The following CTNNA3 variants were observed in gnomAD, a reference collection of about 807,000 sequenced individuals.
CTNNA3 encodes the protein catenin alpha 3, also known as catenin alpha-3.
A neutral mutation model predicts 95.7 loss-of-function variants in CTNNA3; 76 were observed. The observed-to-expected ratio is 0.79, with a 90% CI of 0.66 to 0.96. The LOEUF is 0.96. Among genes scored for constraint, CTNNA3 ranks in the 40% least tolerant of loss-of-function variants. The pLI is 0.00. For missense variants in CTNNA3, 1,191 were observed against 1,089.8 expected (o/e 1.09, Z -1.31); for synonymous variants, 431 against 374.4 (o/e 1.15, Z -1.74).
chr10:67,233,330 G>T (rs759566979), intron 5 of CTNNA3, among the ~76,000 whole-genome samples: 36 of 148,340 alleles, frequency 2.4e-4, no homozygotes, highest in Admixed American at 3.4e-4. Flanking sequence ...CACAGTGCAA[G>T]CAAACTAGAA....
rs982927700 is a variant in CTNNA3, at chr10:67,418,714, A to G, written c.579+103128T>C. On this transcript the variant is annotated intron_variant, in intron 5 of 17. Coordinates refer to ENST00000433211, the MANE Select transcript of CTNNA3 (RefSeq NM_013266.4). ...AGGGGCATTATTGGTTAAAGAATAG[A>G]AAATTTCAATTAGATGGAAGGAATA... Among the ~76,000 whole-genome samples, 3 of 152,164 alleles carry G rather than the reference A, an allele frequency of 2.0e-5. No homozygotes were observed. In the East Asian group the frequency reaches 5.8e-4, roughly 29 times the overall value.
chr10:67,215,275 T>A (rs191441358), intron 6 of CTNNA3, among the ~76,000 whole-genome samples: 1 of 152,114 alleles, frequency 6.6e-6, no homozygotes, highest in East Asian at 1.9e-4. Flanking sequence ...CTTCAACATA[T>A]TCATTAGGGA....
intron 5 of CTNNA3, among the ~76,000 whole-genome samples, chr10:67,521,532 G>A (rs1839985148): frequency 6.6e-6 from 1 of 152,122 alleles, no homozygotes; most frequent in Non-Finnish European, 1.5e-5. Context: ...AGCCATTATA[G>A]AGACTCCCTT....
intron 5 of CTNNA3, among the ~76,000 whole-genome samples, chr10:67,342,014 T>C (rs1842211049): frequency 4.7e-5 from 1 of 21,296 alleles, no homozygotes; most frequent in South Asian, 3.5e-3. Context: ...AAACTCCATC[T>C]ATTCTACATA....
chr10:66,422,690 T>C (rs967410333), intron 11 of CTNNA3, among the ~76,000 whole-genome samples: 1 of 152,198 alleles, frequency 6.6e-6, no homozygotes, highest in South Asian at 2.1e-4. Context: ...ATCGCTTTGA[T>C]TTTTTCCATA....
At chr10:67,134,379 C>G (rs1037436278) in intron 7 of CTNNA3, among the ~76,000 whole-genome samples, 2 of 152,070 alleles carry the variant, frequency 1.3e-5, no homozygotes, top group East Asian at 3.9e-4. Flanking sequence ...TACAGGTTGG[C>G]ACCATGATGG....
At chr10:66,412,688 C>T (rs915543484) in intron 11 of CTNNA3, among the ~76,000 whole-genome samples, 4 of 151,766 alleles carry the variant, frequency 2.6e-5, no homozygotes, top group Admixed American at 1.3e-4. Flanking sequence ...CTCGATCTCC[C>T]GACCTTGTGA....
At position 67,219,627 on chromosome 10, in the gene CTNNA3, T is replaced by C. The variant is rs757834109; in HGVS notation, c.823A>G (p.Ser275Gly). ...PPEPQAATLG[S>G]ALDELENLIV... Reference sequence around the variant, plus strand: ...CTTACCTCCAGCTCATCAAGGGCACTTCCCAGGGTTGCTGCCTGAGGTTCT... The same window carrying C: ...CTTACCTCCAGCTCATCAAGGGCACCTCCCAGGGTTGCTGCCTGAGGTTCT... Residue 275 changes from serine (S) to glycine (G), a missense_variant, in exon 6 of 18, where the codon AGT becomes GGT. By Grantham distance (56) the Ser-to-Gly change is moderately conservative (BLOSUM62 0). Coordinates refer to ENST00000433211, the MANE Select transcript of CTNNA3 (RefSeq NM_013266.4). 1 of 1,613,412 alleles carries C rather than the reference T, an allele frequency of 6.2e-7. No individual in the cohort carries two copies. The highest frequency in any genetic ancestry group is 8.5e-7 in the Non-Finnish European group (1 of 1,179,478).
At chr10:67,389,567 C>A (rs563309698) in intron 5 of CTNNA3, among the ~76,000 whole-genome samples, 1,859 of 151,574 alleles carry the variant, frequency 0.012, 40 homozygotes, top group African/African-American at 0.041. Flanking sequence ...ACCTAATAGA[C>A]ATCTACAGAA....
At chr10:67,046,304 C>T (rs1158890623) in intron 7 of CTNNA3, among the ~76,000 whole-genome samples, 1 of 152,172 alleles carries the variant, frequency 6.6e-6, no homozygotes, top group East Asian at 1.9e-4. Context: ...GGCCACGTTG[C>T]TACCATAAAT....
chr10:66,676,473 C>T (rs140781174), intron 9 of CTNNA3, among the ~76,000 whole-genome samples: 1 of 151,974 alleles, frequency 6.6e-6, no homozygotes, highest in East Asian at 1.9e-4. Context: ...GCATCAATCA[C>T]GCATGACAGG....
At chr10:67,127,489 G>T (rs138893219) in intron 7 of CTNNA3, among the ~76,000 whole-genome samples, 4 of 152,026 alleles carry the variant, frequency 2.6e-5, no homozygotes, top group Non-Finnish European at 5.9e-5. Flanking sequence ...CACTGACCTC[G>T]CATTAAGATG....
At chr10:67,677,877 T>A (rs1840562355) in intron 1 of CTNNA3, among the ~76,000 whole-genome samples, 1 of 152,170 alleles carries the variant, frequency 6.6e-6, no homozygotes, top group African/African-American at 2.4e-5. Flanking sequence ...TGCTTCAGAT[T>A]ATCTAGGGTT....
intron 5 of CTNNA3, among the ~76,000 whole-genome samples, chr10:67,303,343 T>A (rs1018700866): frequency 4.6e-5 from 7 of 152,224 alleles, no homozygotes; most frequent in Non-Finnish European, 8.8e-5. Context: ...TTTTCTCCCT[T>A]CTTCCAGTTG....
upstream of CTNNA3, among the ~76,000 whole-genome samples, chr10:67,699,735 C>T (rs1209080271): frequency 3.3e-5 from 5 of 152,188 alleles, no homozygotes; most frequent in African/African-American, 2.4e-5. Context: ...TCTGAGGTAC[C>T]AGGTTCATCT....
chr10:65,996,663 G>T (rs2078667727), intron 15 of CTNNA3, among the ~76,000 whole-genome samples: 1 of 152,142 alleles, frequency 6.6e-6, no homozygotes, highest in African/African-American at 2.4e-5. Flanking sequence ...CTTATGGTCT[G>T]CAGGGGTCAA....
chr10:66,123,242 G>A (rs2082661708), intron 13 of CTNNA3, among the ~76,000 whole-genome samples: 6 of 152,230 alleles, frequency 3.9e-5, no homozygotes, highest in Admixed American at 3.9e-4. Flanking sequence ...GGGAGAAATT[G>A]GCCAAAACGA....
intron 13 of CTNNA3, among the ~76,000 whole-genome samples, chr10:66,182,833 T>C (rs1297917138): frequency 1.6e-4 from 24 of 152,202 alleles, no homozygotes; most frequent in Admixed American, 1.5e-3. Context: ...TGGTCTATAA[T>C]AATTTAAATT....
intron 11 of CTNNA3, among the ~76,000 whole-genome samples, chr10:66,443,351 A>G (rs1188269285): frequency 6.6e-6 from 1 of 152,176 alleles, no homozygotes; most frequent in Non-Finnish European, 1.5e-5. Context: ...GAACAGGCAG[A>G]CTGCCTCCTT....
Sources: allele counts gnomAD v4.1 joint callset (sites outside exome capture counted in the v4.1 genomes callset), GRCh38; gene constraint gnomAD v4.1.1; transcripts MANE v1.5; gene names NCBI Gene and HGNC (gene_info 2026-07-23, HGNC 2026-07-21).